Variants in ADH1B observed in about 807,000 individuals in gnomAD.
ADH1B encodes the protein all-trans-retinol dehydrogenase [NAD(+)] ADH1B.
In ADH1B, 29 loss-of-function variants were observed where a neutral mutation model predicts 34.6. That is an observed-to-expected ratio of 0.84 (90% CI 0.62 to 1.14). The LOEUF is 1.14. Among genes scored for constraint, ADH1B ranks in the 50% most tolerant of loss-of-function variants. The pLI, the probability that ADH1B is intolerant of heterozygous loss-of-function variation, is 0.00. For missense variants in ADH1B, 424 were observed against 468.4 expected (o/e 0.91, Z 0.87); for synonymous variants, 170 against 175.5 (o/e 0.97, Z 0.25).
chr4:99,318,122 G>T lies in ADH1B; in HGVS notation c.183C>A (p.Pro61=). The T allele has an allele frequency of 1.9e-6, 3 of 1,614,050 alleles. No individual in the cohort carries two copies. The highest frequency in any genetic ancestry group is 2.5e-6 in the Non-Finnish European group (3 of 1,179,988). Residue 61 remains proline (P), a synonymous_variant, in exon 3 of 9, where the codon CCC becomes CCA. Coordinates refer to ENST00000305046, the MANE Select transcript of ADH1B (RefSeq NM_000668.6). ...DHVVSGNLVT[P]LPVILGHEAA... ...CCTCATGGCCTAAAATCACAGGAAG[G>T]GGGGTCACCAGGTTGCCACTAACCA...
At chr4:99,318,349 C>G in intron 2 of ADH1B, 165 bp from the exon 3 acceptor site, 2 of 851,726 alleles carry the variant, frequency 2.3e-6, no homozygotes, top group Non-Finnish European at 3.6e-6. Context: ...CAAGGTTATT[C>G]AGTCTAAAGC....
Position 99,305,312 on chromosome 4 carries a change from C to A in ADH1B, c.*2528G>T, listed in dbSNP as rs1387187025. On this transcript the variant is annotated 3_prime_UTR_variant, in exon 9 of 9. Coordinates refer to ENST00000305046, the MANE Select transcript of ADH1B (RefSeq NM_000668.6). ...TGATATTATTGAAGTCACCCCCCCC[C>A]ACTTTATTTGTTTTCATATATCATG... 5 of 147,294 alleles carry A rather than the reference C, an allele frequency of 3.4e-5. No homozygotes were observed. The South Asian group carries it at 6.4e-4, about 19-fold the overall frequency. The allele number at this position is 147,294 out of a possible 1,614,324, so 9.1% of individuals were successfully genotyped here.
At position 99,315,918 on chromosome 4, in the gene ADH1B, A is replaced by T; in HGVS notation, c.547T>A (p.Ser183Thr). Residue 183 changes from serine (S) to threonine (T), a missense_variant, in exon 5 of 9, where the codon TCT becomes ACT. Around this residue, in one of 3 missense-constraint regions of ADH1B, gnomAD observed 291 missense variants for 300.4 expected, o/e 0.97. Transcript: ENST00000305046. Reference protein sequence around the residue: ...IGCGFSTGYGSAVNVAKVTPG... With the variant: ...IGCGFSTGYGTAVNVAKVTPG... ...CTCACCTTGGCAACGTTAACTGCAG[A>T]CCCATAACCAGTCGAGAATCCACAG... 6.2e-7 allele frequency: 1 copy of T among 1,614,222 alleles called. No individual in the cohort carries two copies. Among genetic ancestry groups the T allele is most frequent in the Non-Finnish European group, 8.5e-7 (1 of 1,180,042 alleles).
intron 6 of ADH1B, 187 bp downstream of exon 6, chr4:99,313,630 CAGGT>C: frequency 9.8e-7 from 1 of 1,024,788 alleles, no homozygotes; most frequent in Non-Finnish European, 1.4e-6. Context: ...TGACTTGAGA[CAGGT>C]TTGGGTAATT....
intron 1 of ADH1B, 63 bp downstream of exon 1, chr4:99,321,251 G>A (rs1734018933): frequency 1.4e-6 from 2 of 1,384,622 alleles, no homozygotes; most frequent in East Asian, 2.3e-5. Flanking sequence ...ATCAAATACT[G>A]TATTCCTTTC....
intron 2 of ADH1B, 45 bp from the exon 3 acceptor site, chr4:99,318,229 CTA>C (rs761550926): frequency 5.6e-6 from 9 of 1,609,060 alleles, no homozygotes; most frequent in Non-Finnish European, 7.6e-6. Flanking sequence ...AAGATTGTAA[CTA>C]GATGAATTTA....
intron 1 of ADH1B, among the ~76,000 whole-genome samples, chr4:99,321,092 A>G (rs1734014052): frequency 6.6e-6 from 1 of 152,222 alleles, no homozygotes; most frequent in African/African-American, 2.4e-5. Context: ...ATAAAGACTA[A>G]TAGACACAGG....
At chr4:99,321,176 G>A (rs1406473297) in intron 1 of ADH1B, 138 bp downstream of exon 1, 5 of 717,294 alleles carry the variant, frequency 7.0e-6, no homozygotes, top group Non-Finnish European at 1.1e-5. Flanking sequence ...TACATATTGA[G>A]GTGTATATTG....
chr4:99,318,043 T>C lies in ADH1B; in HGVS notation c.259+3A>G. 6.2e-7 allele frequency: 1 copy of C among 1,614,012 alleles called. No homozygotes were observed. Among genetic ancestry groups the C allele is most frequent in the Non-Finnish European group, 8.5e-7 (1 of 1,179,948 alleles). On this transcript the variant is annotated splice_donor_region_variant and intron_variant, in intron 3 of 8. Coordinates refer to ENST00000305046, the MANE Select transcript of ADH1B (RefSeq NM_000668.6). ...ACGTGTTCCCTGAGTGTGAATCCTG[T>C]ACCTGGTTTGACTGTAGTCACCCCT...
At chr4:99,319,763 C>T (rs1044477146) in intron 1 of ADH1B, 1 of 152,210 alleles carries the variant, frequency 6.6e-6, no homozygotes, top group Non-Finnish European at 1.5e-5. Context: ...ATGTATAATT[C>T]GCAGAGCCCT....
intron 8 of ADH1B, 47 bp downstream of exon 8, chr4:99,310,718 C>T (rs748561821): frequency 2.5e-6 from 4 of 1,588,896 alleles, no homozygotes; most frequent in East Asian, 4.5e-5. Flanking sequence ...TAGACAATCC[C>T]CTATGGTAGA....
intron 2 of ADH1B, 50 bp from the exon 3 acceptor site, chr4:99,318,234 T>C: frequency 6.2e-7 from 1 of 1,605,870 alleles, no homozygotes; most frequent in Non-Finnish European, 8.5e-7. Flanking sequence ...TGTAACTAGA[T>C]GAATTTAACA....
chr4:99,310,767 T>G lies in ADH1B; in HGVS notation c.1101A>C (p.Lys367Asn), dbSNP rs1213983365. Residue 367 changes from lysine to asparagine, a missense_variant and splice_region_variant, in exon 8 of 9, where the codon AAA becomes AAC. Coordinates refer to ENST00000305046, the MANE Select transcript of ADH1B (RefSeq NM_000668.6). ...NEGFDLLHSG[K>N]SIRTVLTF The stretch of plus-strand genomic sequence containing the variant: ...CAGAAAACTAACTTAAAATCTACCT[T>G]TTCCCAGAGTGAAGCAGGTCAAATC... 6.2e-7 allele frequency: 1 copy of G among 1,607,210 alleles called. No homozygotes were observed. Among genetic ancestry groups the G allele is most frequent in the Non-Finnish European group, 8.5e-7 (1 of 1,178,260 alleles).
chr4:99,314,810 G>A (rs1309025858), intron 5 of ADH1B: 1 of 152,222 alleles, frequency 6.6e-6, no homozygotes, highest in East Asian at 1.9e-4. Flanking sequence ...TGAACAAGGG[G>A]CTAAGTGCTA....
rs746865145 is a variant in ADH1B at position 99,318,098 on chromosome 4, C to T, written c.207G>A (p.Glu69=). Residue 69 remains glutamate (E), a synonymous_variant, in exon 3 of 9, where the codon GAG becomes GAA. Transcript: ENST00000305046. ...VTPLPVILGH[E]AAGIVESVGE... ...CAACACTCTCCACGATGCCGGCTGC[C>T]TCATGGCCTAAAATCACAGGAAGGG... 10 of 1,614,078 alleles carry T rather than the reference C, an allele frequency of 6.2e-6. No homozygotes were observed. The highest frequency in any genetic ancestry group is 4.4e-5 in the South Asian group (4 of 91,076).
chr4:99,305,567 A>G lies in ADH1B; in HGVS notation c.*2273T>C, dbSNP rs1485049441. Reference sequence around the variant, plus strand: ...GAACCACTTGCCCCATAGTGTATATATATATATATATATATATATATATAT... The same window carrying G: ...GAACCACTTGCCCCATAGTGTATATGTATATATATATATATATATATATAT... On this transcript the variant is annotated 3_prime_UTR_variant, in exon 9 of 9. Coordinates refer to ENST00000305046, the MANE Select transcript of ADH1B (RefSeq NM_000668.6). The G allele has an allele frequency of 0.023, 629 of 27,400 alleles. 26 individuals carry two copies. The highest frequency in any genetic ancestry group is 0.086 in the African/African-American group (585 of 6,836). 1.7% of individuals were successfully genotyped at this position (27,400 alleles called of 1,614,324 possible).
intron 2 of ADH1B, 191 bp downstream of exon 2, chr4:99,318,594 G>A: frequency 1.6e-6 from 1 of 610,564 alleles, no homozygotes; most frequent in Non-Finnish European, 2.7e-6. Context: ...GAATTATACT[G>A]TATGTACTCT....
At chr4:99,315,446 T>C in intron 5 of ADH1B, 1 of 206,910 alleles carries the variant, frequency 4.8e-6, no homozygotes, top group Non-Finnish European at 9.9e-6. Flanking sequence ...TGGAGGTGCA[T>C]CAGGTAAGGT....
intron 2 of ADH1B, 167 bp from the exon 3 acceptor site, chr4:99,318,351 G>A (rs978740003): frequency 7.1e-6 from 6 of 844,848 alleles, no homozygotes; most frequent in Non-Finnish European, 1.1e-5. Flanking sequence ...AGGTTATTCA[G>A]TCTAAAGCCC....
Sources: allele counts gnomAD v4.1 joint callset (sites outside exome capture counted in the v4.1 genomes callset), GRCh38; gene constraint gnomAD v4.1.1; regional missense constraint gnomAD v4.1.1; transcripts MANE v1.5; gene names NCBI Gene and HGNC (gene_info 2026-07-23, HGNC 2026-07-21).